The following CAMTA1 variants were observed in gnomAD, a reference collection of about 807,000 sequenced individuals.
CAMTA1 encodes the protein calmodulin-binding transcription activator 1.
In CAMTA1, 27 loss-of-function variants were observed where a neutral mutation model predicts 170.9. The observed-to-expected ratio is 0.16, with a 90% CI of 0.12 to 0.22. The LOEUF (loss-of-function observed/expected upper bound fraction) is 0.22. Ranked by LOEUF, CAMTA1 falls within the 10% of genes least tolerant of loss-of-function variation. The pLI, the probability that CAMTA1 is intolerant of heterozygous loss-of-function variation, is 1.00. For missense variants in CAMTA1, 1,619 were observed against 2,217.2 expected, an observed-to-expected ratio of 0.73 and a Z score of 5.42; for synonymous variants, 833 against 891.5, an observed-to-expected ratio of 0.93 and a Z score of 1.17.
chr1:7,222,347 C>G (rs1573999519), intron 4 of CAMTA1, among the ~76,000 whole-genome samples: 1 of 152,190 alleles, frequency 6.6e-6, no homozygotes, highest in South Asian at 2.1e-4. Flanking sequence ...TCTCAATGCA[C>G]CTGCGGGGAG....
intron 11 of CAMTA1, among the ~76,000 whole-genome samples, chr1:7,705,222 A>G (rs1349217226): frequency 1.4e-5 from 2 of 146,292 alleles, no homozygotes; most frequent in African/African-American, 5.1e-5. Context: ...GAGTGTGAGG[A>G]GCAAGGGTGA....
chr1:7,155,839 G>A (rs944694241), intron 4 of CAMTA1, among the ~76,000 whole-genome samples: 1 of 152,254 alleles, frequency 6.6e-6, no homozygotes, highest in Non-Finnish European at 1.5e-5. Flanking sequence ...ATCTCCCTGC[G>A]TTTGCTGTGC....
intron 4 of CAMTA1, among the ~76,000 whole-genome samples, chr1:7,199,964 A>T (rs1362830337): frequency 6.6e-6 from 1 of 152,202 alleles, no homozygotes; most frequent in Non-Finnish European, 1.5e-5. Context: ...ATAGATGAGG[A>T]TAATTTTCTT....
Position 7,585,595 on chromosome 1 carries a change from G to A in CAMTA1, c.511-54805G>A, listed in dbSNP as rs1305372055. Reference sequence around the variant, plus strand: ...TGTGGAGGGGAGCCAGTGAAAGAACGTGAACATGGGATCACGCTGGCTACT... The same window carrying A: ...TGTGGAGGGGAGCCAGTGAAAGAACATGAACATGGGATCACGCTGGCTACT... On this transcript the variant is annotated intron_variant, in intron 6 of 22. Transcript: ENST00000303635. The surrounding 1 kb of genome is among the most constrained non-coding windows in gnomAD (Gnocchi z 4.8). 1.3e-5 allele frequency among the ~76,000 whole-genome samples: 2 copies of A among 152,164 alleles called. No homozygotes were observed. The highest frequency in any genetic ancestry group is 6.5e-5 in the Admixed American group (1 of 15,288).
chr1:7,049,355 T>G (rs1279761194), intron 3 of CAMTA1, among the ~76,000 whole-genome samples: 1 of 152,202 alleles, frequency 6.6e-6, no homozygotes, highest in Non-Finnish European at 1.5e-5. Flanking sequence ...TCTCCCACCT[T>G]CACGTACATC....
intron 1 of CAMTA1, among the ~76,000 whole-genome samples, chr1:6,790,430 T>G (rs1361419334): frequency 6.6e-6 from 1 of 151,266 alleles, no homozygotes; most frequent in Non-Finnish European, 1.5e-5. Context: ...AAAGTCAGCC[T>G]TCTTAATCTG....
chr1:7,414,045 A>G (rs1268904465), intron 5 of CAMTA1, among the ~76,000 whole-genome samples: 80 of 152,244 alleles, frequency 5.3e-4, no homozygotes, highest in African/African-American at 1.8e-3. Flanking sequence ...TTCTGTTTAT[A>G]TGCTGGATTA....
chr1:7,110,568 C>T (rs1473716698), intron 4 of CAMTA1, among the ~76,000 whole-genome samples: 1 of 152,168 alleles, frequency 6.6e-6, no homozygotes, highest in East Asian at 1.9e-4. Context: ...AGTGCTCCTC[C>T]TGTAATATTT....
intron 4 of CAMTA1, among the ~76,000 whole-genome samples, chr1:7,179,279 G>A (rs1412198059): frequency 6.6e-6 from 1 of 152,152 alleles, no homozygotes; most frequent in Non-Finnish European, 1.5e-5. Flanking sequence ...AGCAGATACT[G>A]CAAAAGAAAC....
intron 1 of CAMTA1, among the ~76,000 whole-genome samples, chr1:6,787,717 G>A (rs1355884494): frequency 6.6e-6 from 1 of 152,226 alleles, no homozygotes; most frequent in Non-Finnish European, 1.5e-5. Flanking sequence ...TACTGAATAA[G>A]CAGAACGACA....
At chr1:7,200,621 T>C (rs1317467263) in intron 4 of CAMTA1, among the ~76,000 whole-genome samples, 1 of 152,200 alleles carries the variant, frequency 6.6e-6, no homozygotes, top group Non-Finnish European at 1.5e-5. Context: ...AGTTCTGGTT[T>C]GTCTGAGGTT....
intron 5 of CAMTA1, among the ~76,000 whole-genome samples, chr1:7,357,957 G>C (rs1411268333): frequency 6.6e-6 from 1 of 152,190 alleles, no homozygotes; most frequent in Non-Finnish European, 1.5e-5. Flanking sequence ...CTCTTTGGAT[G>C]GTGACAGACA....
intron 3 of CAMTA1, among the ~76,000 whole-genome samples, chr1:6,925,518 T>C (rs1160405259): frequency 1.3e-5 from 2 of 152,182 alleles, no homozygotes; most frequent in Non-Finnish European, 2.9e-5. Context: ...GCTCGATCTT[T>C]CCAAGTGCCT....
At chr1:7,462,369 A>G (rs1185984966) in intron 5 of CAMTA1, among the ~76,000 whole-genome samples, 4 of 152,166 alleles carry the variant, frequency 2.6e-5, no homozygotes, top group Non-Finnish European at 4.4e-5. Context: ...AGGTTCAAGC[A>G]ATTCTTCTGC....
At chr1:6,983,591 T>A (rs1476341855) in intron 3 of CAMTA1, among the ~76,000 whole-genome samples, 4 of 152,264 alleles carry the variant, frequency 2.6e-5, no homozygotes, top group African/African-American at 4.8e-5. Context: ...TCACAAAGCT[T>A]CATGGAGGCA....
intron 3 of CAMTA1, among the ~76,000 whole-genome samples, chr1:7,056,452 A>G (rs1027649752): frequency 6.6e-6 from 1 of 152,172 alleles, no homozygotes; most frequent in Non-Finnish European, 1.5e-5. Context: ...GTTTTGGAGT[A>G]ATTTCCTCTC....
chr1:7,166,557 C>T (rs975530432), intron 4 of CAMTA1, among the ~76,000 whole-genome samples: 1 of 152,296 alleles, frequency 6.6e-6, no homozygotes, highest in South Asian at 2.1e-4. Context: ...TTCCTTGCTA[C>T]AGTGAGGCTG....
In CAMTA1 at chr1:6,955,189, A is replaced by T. The variant is rs569086827; in HGVS notation, c.234+129979A>T. 3.3e-5 allele frequency among the ~76,000 whole-genome samples: 5 copies of T among 151,990 alleles called. No individual in the cohort carries two copies. The South Asian group carries it at 1.0e-3, about 32-fold the overall frequency. ...GGGGTGGGGGGTTGGGGGAGCAGGGACAGGGGTTGCCAAGAGGCCCACAGG... is the reference window on the plus strand; with the variant it reads ...GGGGTGGGGGGTTGGGGGAGCAGGGTCAGGGGTTGCCAAGAGGCCCACAGG... On this transcript the variant is annotated intron_variant, in intron 3 of 22. Coordinates refer to ENST00000303635, the MANE Select transcript of CAMTA1 (RefSeq NM_015215.4).
chr1:7,606,384 C>A (rs2095486908), intron 6 of CAMTA1, among the ~76,000 whole-genome samples: 1 of 152,210 alleles, frequency 6.6e-6, no homozygotes, highest in African/African-American at 2.4e-5. Flanking sequence ...GACACTCCCT[C>A]TAGAGGCTCA....
Sources: gnomAD v4.1 joint callset for allele counts (sites outside exome capture counted in the v4.1 genomes callset) on GRCh38, gnomAD v4.1.1 for gene constraint, Gnocchi (gnomAD v3.1) non-coding constraint, MANE v1.5 for transcripts, NCBI Gene and HGNC (gene_info 2026-07-23, HGNC 2026-07-21) for gene names.